The following CBLN2 variants were observed in gnomAD, a reference collection of about 807,000 sequenced individuals.
CBLN2 encodes the protein cerebellin-2.
Under a neutral mutation model 15.0 loss-of-function variants are expected in CBLN2, and 7 were observed. That is an observed-to-expected ratio of 0.47 (90% CI 0.27 to 0.88). CBLN2 has a LOEUF of 0.88. Among genes scored for constraint, CBLN2 ranks in the 40% least tolerant of loss-of-function variants. The pLI is 0.14. For missense variants in CBLN2, 242 were observed against 304.5 expected, an observed-to-expected ratio of 0.79 and a Z score of 1.53; for synonymous variants, 149 against 135.2, an observed-to-expected ratio of 1.10 and a Z score of -0.71.
chr18:72,618,920 G>A, intron 1 of CBLN2: 1 of 734,362 alleles, frequency 1.4e-6, no homozygotes, highest in Non-Finnish European at 2.5e-6. Context: ...TTTGGTCATG[G>A]AGGAAACTTC....
chr18:72,604,570 T>C (rs2069570864), intron 1 of CBLN2, among the ~76,000 whole-genome samples: 3 of 152,220 alleles, frequency 2.0e-5, no homozygotes, highest in African/African-American at 7.2e-5. Flanking sequence ...ATACCCAATG[T>C]GGCAGTATAG....
chr18:72,581,888 G>A (rs1396064098), intron 1 of CBLN2, among the ~76,000 whole-genome samples: 1 of 152,142 alleles, frequency 6.6e-6, no homozygotes, highest in Non-Finnish European at 1.5e-5. Context: ...TGTTTTGCAT[G>A]TCTATGTTCA....
chr18:72,618,653 A>G (rs185171639), intron 1 of CBLN2: 11,401 of 888,824 alleles, frequency 0.013, 123 homozygotes, highest in South Asian at 0.025. Flanking sequence ...CAGTCTGGAA[A>G]AATCGAAGTG....
chr18:72,538,807 A>T, intron 3 of CBLN2, 35 bp from the exon 4 acceptor site: 1 of 1,608,860 alleles, frequency 6.2e-7, no homozygotes, highest in Non-Finnish European at 8.5e-7. Context: ...ACACAATGGC[A>T]AGCCCCTCCT....
At chr18:72,555,050 A>T (rs1024943727) in intron 1 of CBLN2, among the ~76,000 whole-genome samples, 8 of 150,848 alleles carry the variant, frequency 5.3e-5, no homozygotes, top group African/African-American at 1.9e-4. Context: ...CAGGAGAATC[A>T]CTTGAACCCA....
At chr18:72,610,673 C>A (rs1340335850) in intron 1 of CBLN2, among the ~76,000 whole-genome samples, 1 of 152,298 alleles carries the variant, frequency 6.6e-6, no homozygotes, top group East Asian at 1.9e-4. Flanking sequence ...TCCTTTATAG[C>A]AGTTCCAAGT....
intron 1 of CBLN2, among the ~76,000 whole-genome samples, chr18:72,614,107 TA>T (rs2069641470): frequency 6.6e-6 from 1 of 152,178 alleles, no homozygotes; most frequent in Non-Finnish European, 1.5e-5. Flanking sequence ...GCATAACTGA[TA>T]TCCTCAAAGG....
chr18:72,573,317 T>C (rs2069343852), intron 1 of CBLN2, among the ~76,000 whole-genome samples: 1 of 152,182 alleles, frequency 6.6e-6, no homozygotes, highest in African/African-American at 2.4e-5. Context: ...AAATGTGAAA[T>C]TTTAACATTT....
chr18:72,627,534 C>T (rs1314442206), intron 1 of CBLN2, among the ~76,000 whole-genome samples: 3 of 152,172 alleles, frequency 2.0e-5, no homozygotes, highest in South Asian at 2.1e-4. Context: ...TGAATACTGG[C>T]ATCTTGATCG....
chr18:72,596,102 C>T (rs1304464349), intron 1 of CBLN2, among the ~76,000 whole-genome samples: 2 of 151,990 alleles, frequency 1.3e-5, no homozygotes, highest in Non-Finnish European at 2.9e-5. Context: ...GTGGTCTTCT[C>T]TTCCTTCTTT....
At chr18:72,610,274 G>A (rs911782241) in intron 1 of CBLN2, among the ~76,000 whole-genome samples, 1 of 152,038 alleles carries the variant, frequency 6.6e-6, no homozygotes, top group African/African-American at 2.4e-5. Flanking sequence ...ACTCCATTCT[G>A]AGCATGTGTG....
upstream of CBLN2, among the ~76,000 whole-genome samples, chr18:72,546,738 C>A (rs2069160877): frequency 6.6e-6 from 1 of 152,132 alleles, no homozygotes; most frequent in Non-Finnish European, 1.5e-5. Flanking sequence ...CCCACAGCAA[C>A]CCTGTGGTAA....
chr18:72,578,111 A>AT (rs1342819188), intron 1 of CBLN2, among the ~76,000 whole-genome samples: 1 of 152,162 alleles, frequency 6.6e-6, no homozygotes, highest in African/African-American at 2.4e-5. Context: ...TAAAACAGGG[A>AT]TTTTACTACC....
chr18:72,547,123 C>G (rs1403853648), upstream of CBLN2, among the ~76,000 whole-genome samples: 1 of 133,440 alleles, frequency 7.5e-6, no homozygotes, highest in Middle Eastern at 3.6e-3. Context: ...CACACACACA[C>G]ACACACACAC....
At chr18:72,580,635 GA>G (rs2069396832) in intron 1 of CBLN2, among the ~76,000 whole-genome samples, 1 of 152,014 alleles carries the variant, frequency 6.6e-6, no homozygotes, top group African/African-American at 2.4e-5. Context: ...CATTAAACAT[GA>G]TGCTTTTGAA....
In CBLN2 at chr18:72,538,727, A is replaced by G. The variant is rs2069087457; in HGVS notation, c.403T>C (p.Phe135Leu). 3 of 1,613,966 alleles carry G rather than the reference A, an allele frequency of 1.9e-6. No individual in the cohort carries two copies. The highest frequency in any genetic ancestry group is 2.5e-6 in the Non-Finnish European group (3 of 1,180,000). ...GNHFDLASSI[F>L]VAPRKGIYSF... ...TAAATCCCTTTTCTCGGTGCTACAAATATACTGGAAGCAAGATCAAAGTGG... is the reference window on the plus strand; with the variant it reads ...TAAATCCCTTTTCTCGGTGCTACAAGTATACTGGAAGCAAGATCAAAGTGG... The change falls in exon 4 of 5, where the codon TTT becomes CTT. Residue 135 changes from phenylalanine (F) to leucine (L), a missense_variant. Phe to Leu is a conservative substitution (Grantham distance 22). Around this residue, in one of 4 missense-constraint regions of CBLN2, gnomAD observed 89 missense variants for 114.2 expected, o/e 0.78. Coordinates refer to ENST00000269503, the MANE Select transcript of CBLN2 (RefSeq NM_182511.4).
intron 1 of CBLN2, among the ~76,000 whole-genome samples, chr18:72,565,211 A>G (rs116061178): frequency 0.027 from 4,074 of 152,264 alleles, 193 homozygotes; most frequent in African/African-American, 0.093. Flanking sequence ...ATTCACTGGT[A>G]GAGATAAATT....
At chr18:72,623,355 G>A (rs975680591) in intron 1 of CBLN2, among the ~76,000 whole-genome samples, 8 of 152,214 alleles carry the variant, frequency 5.3e-5, no homozygotes, top group South Asian at 2.1e-4. Context: ...AAATTGGGCC[G>A]GAACATGTTA....
Position 72,542,162 on chromosome 18 carries a change from G to A in CBLN2, c.-2C>T, listed in dbSNP as rs1444171033. ...TGGCCCCCGGCCGGGCGCCTGCATC[G>A]GGACTGGTGGGAGGCGGCGCGCGGG... is the stretch of plus-strand genomic sequence containing the variant. On this transcript the variant is annotated 5_prime_UTR_variant, in exon 3 of 5. Coordinates refer to ENST00000269503, the MANE Select transcript of CBLN2 (RefSeq NM_182511.4). 5.6e-6 allele frequency: 7 copies of A among 1,251,908 alleles called. No homozygotes were observed. The highest frequency in any genetic ancestry group is 3.3e-5 in the East Asian group (1 of 30,410). 77.5% of individuals were successfully genotyped at this position (1,251,908 alleles called of 1,614,324 possible). A position where few individuals can be genotyped will look rare whatever the true frequency, so the allele number is the denominator to read the frequency against.
Sources: allele counts gnomAD v4.1 joint callset (sites outside exome capture counted in the v4.1 genomes callset), GRCh38; gene constraint gnomAD v4.1.1; regional missense constraint gnomAD v4.1.1; transcripts MANE v1.5; gene names NCBI Gene and HGNC (gene_info 2026-07-23, HGNC 2026-07-21).